The following PCYT1B variants were observed in gnomAD, a reference collection of about 807,000 sequenced individuals.
PCYT1B encodes the protein phosphate cytidylyltransferase 1B, choline, also known as choline-phosphate cytidylyltransferase B.
In PCYT1B, 10 loss-of-function variants were observed where a neutral mutation model predicts 26.4. The observed-to-expected ratio is 0.38, with a 90% CI of 0.23 to 0.64. The LOEUF is 0.64. Ranked by LOEUF, PCYT1B falls within the 30% of genes least tolerant of loss-of-function variation. The pLI is 0.56. For missense variants in PCYT1B, 161 were observed against 292.7 expected (o/e 0.55, Z 3.28); for synonymous variants, 131 against 108.4 (o/e 1.21, Z -1.29).
At position 24,560,784 on chromosome X, in the gene PCYT1B, G is replaced by C. The variant is rs1923382925; in HGVS notation, c.*1509C>G. 1 of 112,114 alleles carries C rather than the reference G, an allele frequency of 8.9e-6. No homozygotes were observed. Among genetic ancestry groups the C allele is most frequent in the Non-Finnish European group, 1.9e-5 (1 of 53,174 alleles). The allele number at this position is 112,114 out of a possible 1,213,427, so 9.2% of individuals were successfully genotyped here. On this transcript the variant is annotated 3_prime_UTR_variant, in exon 8 of 8. Transcript: ENST00000379144. ...TCTGGGCTCTGCCTACAAGTTGCTG[G>C]TTTGGGCCTCTATTCAGTCAGACCC...
At chrX:24,634,681 G>A (rs1302121538) in intron 1 of PCYT1B, among the ~76,000 whole-genome samples, 2 of 111,777 alleles carry the variant, frequency 1.8e-5, no homozygotes, top group East Asian at 2.8e-4. Flanking sequence ...GGGAGGCAGA[G>A]GTTGTACTGA....
At chrX:24,595,143 C>T (rs754130340) in intron 3 of PCYT1B, among the ~76,000 whole-genome samples, 1 of 109,007 alleles carries the variant, frequency 9.2e-6, no homozygotes, top group South Asian at 4.1e-4. Context: ...GGTATGAGGG[C>T]CCCGTGGTAC....
At chrX:24,650,700 G>A (rs1179350877), upstream of PCYT1B, among the ~76,000 whole-genome samples, 2 of 112,292 alleles carry the variant, frequency 1.8e-5, no homozygotes, top group Admixed American at 9.5e-5. Context: ...AAATTCCATA[G>A]AGGATATTTG....
In PCYT1B at chrX:24,617,921, A is replaced by C. The variant is rs137916578; in HGVS notation, c.217+1064T>G. ...TGCATCTTCTGCCCACACAGTCCAA[A>C]TCTTAGTTCTCCTAAAATGTCTGTT... On this transcript the variant is annotated intron_variant, in intron 2 of 7. Coordinates refer to ENST00000379144, the MANE Select transcript of PCYT1B (RefSeq NM_004845.5). Among the ~76,000 whole-genome samples, 95 of 111,288 alleles carry C rather than the reference A, an allele frequency of 8.5e-4. 1 individual carries two copies. The East Asian group carries it at 0.02, about 23-fold the overall frequency.
chrX:24,597,602 G>A (rs1307275346), intron 3 of PCYT1B, among the ~76,000 whole-genome samples: 1 of 112,065 alleles, frequency 8.9e-6, no homozygotes, highest in Non-Finnish European at 1.9e-5. Flanking sequence ...ATGTTGCATT[G>A]GAAGGGGTGG....
intron 7 of PCYT1B, among the ~76,000 whole-genome samples, chrX:24,566,951 A>G (rs1289638433): frequency 4.5e-5 from 5 of 112,229 alleles, no homozygotes; most frequent in African/African-American, 6.5e-5. Context: ...TCAAACAGAA[A>G]AAAAAGGTGC....
intron 1 of PCYT1B, among the ~76,000 whole-genome samples, chrX:24,655,027 T>G (rs1414797363): frequency 9.0e-6 from 1 of 111,427 alleles, no homozygotes; most frequent in Non-Finnish European, 1.9e-5. Flanking sequence ...CCAGGAAAAT[T>G]ATAGTAGTAA....
rs775141353 is a variant in PCYT1B at position 24,631,563 on chromosome X, G to A, written c.118-12479C>T. The stretch of plus-strand genomic sequence containing the variant: ...TGGTTCCAGGTCAGGGCTACTGTCC[G>A]TGAAGCATTTTCGCATTCTCCTCAT... On this transcript the variant is annotated intron_variant, in intron 1 of 7. Coordinates refer to ENST00000379144, the MANE Select transcript of PCYT1B (RefSeq NM_004845.5). Among the ~76,000 whole-genome samples the A allele has an allele frequency of 8.9e-5, 10 of 112,141 alleles. 1 individual carries two copies. The South Asian group carries it at 3.0e-3, about 34-fold the overall frequency.
At chrX:24,563,113 G>A (rs1386615788) in intron 7 of PCYT1B, among the ~76,000 whole-genome samples, 1 of 111,510 alleles carries the variant, frequency 9.0e-6, no homozygotes, top group Non-Finnish European at 1.9e-5. Context: ...AGCCAGGCAA[G>A]TAGTCATGAC....
upstream of PCYT1B, among the ~76,000 whole-genome samples, chrX:24,647,618 A>G (rs1288794409): frequency 8.9e-6 from 1 of 112,114 alleles, no homozygotes; most frequent in African/African-American, 3.2e-5. Context: ...AACATAGCAG[A>G]CCTCCACTAA....
chrX:24,633,173 G>A (rs1267351142), intron 1 of PCYT1B, among the ~76,000 whole-genome samples: 1 of 86,400 alleles, frequency 1.2e-5, no homozygotes, highest in Non-Finnish European at 2.1e-5. Context: ...TCATACCACT[G>A]CACTCCAGCC....
intron 1 of PCYT1B, among the ~76,000 whole-genome samples, chrX:24,623,249 A>G (rs972394908): frequency 1.8e-5 from 2 of 109,348 alleles, no homozygotes; most frequent in Non-Finnish European, 3.8e-5. Flanking sequence ...TACTCTTTTG[A>G]GCATGAAAAT....
chrX:24,590,191 C>T lies in PCYT1B; in HGVS notation c.335-17G>A, dbSNP rs1191402706. 3 of 1,194,617 alleles carry T rather than the reference C, an allele frequency of 2.5e-6. No individual in the cohort carries two copies. Among genetic ancestry groups the T allele is most frequent in the Non-Finnish European group, 3.4e-6 (3 of 884,954 alleles). ...CACTGCAAACTAAAACAGGCAAATGCATTAAATGCCATTACTCGGCCCAGG... is the reference window on the plus strand; with the variant it reads ...CACTGCAAACTAAAACAGGCAAATGTATTAAATGCCATTACTCGGCCCAGG... On this transcript the variant is annotated splice_polypyrimidine_tract_variant and intron_variant, in intron 3 of 7. Transcript: ENST00000379144.
intron 2 of PCYT1B, among the ~76,000 whole-genome samples, chrX:24,618,184 T>C (rs1057053795): frequency 1.6e-4 from 18 of 112,129 alleles, no homozygotes; most frequent in African/African-American, 5.8e-4. Context: ...GATGAATGAA[T>C]GAACAAACTT....
exon 1 of PCYT1B, chrX:24,672,570 C>T: frequency 5.8e-6 from 7 of 1,200,272 alleles, no homozygotes; most frequent in Non-Finnish European, 7.9e-6. Flanking sequence ...TTCACATTAC[C>T]TTGCGCCACA....
intron 7 of PCYT1B, among the ~76,000 whole-genome samples, chrX:24,563,953 G>A (rs1413831614): frequency 1.8e-5 from 2 of 111,122 alleles, no homozygotes; most frequent in Non-Finnish European, 3.8e-5. Flanking sequence ...AGGCCAAGTC[G>A]GGCAGATCAT....
chrX:24,569,266 TA>T lies in PCYT1B; in HGVS notation c.897+5863del, dbSNP rs373816879. 4.8e-3 allele frequency among the ~76,000 whole-genome samples: 502 copies of T among 104,107 alleles called. 3 individuals carry two copies. The highest frequency in any genetic ancestry group is 0.016 in the African/African-American group (459 of 28,797). The allele number at this position is 104,107 out of a possible 115,157, so 90.4% of individuals were successfully genotyped here. A position where few individuals can be genotyped will look rare whatever the true frequency, so the allele number is the denominator to read the frequency against. On this transcript the variant is annotated intron_variant, in intron 7 of 7. Transcript: ENST00000379144. Reference sequence around the variant, plus strand: ...AGTGCCTAAAATTAGGACGATTATTTAAAAAAAAAAACAAAGAAACAGAAAA... The same window carrying T: ...AGTGCCTAAAATTAGGACGATTATTTAAAAAAAAAACAAAGAAACAGAAAA...
upstream of PCYT1B, among the ~76,000 whole-genome samples, chrX:24,650,888 C>A (rs149097688): frequency 9.0e-6 from 1 of 111,456 alleles, no homozygotes; most frequent in Non-Finnish European, 1.9e-5. Flanking sequence ...AGGAATAGTT[C>A]AAATAAAAAT....
intron 7 of PCYT1B, among the ~76,000 whole-genome samples, chrX:24,566,879 A>G (rs1602146024): frequency 9.0e-6 from 1 of 111,447 alleles, no homozygotes; most frequent in African/African-American, 3.3e-5. Context: ...TAATATACCA[A>G]TTATTTACCT....
Sources: allele counts gnomAD v4.1 joint callset (sites outside exome capture counted in the v4.1 genomes callset), GRCh38; gene constraint gnomAD v4.1.1; transcripts MANE v1.5; gene names NCBI Gene and HGNC (gene_info 2026-07-23, HGNC 2026-07-21).